Variants in ASF1A observed in about 807,000 individuals in gnomAD.
ASF1A encodes the protein anti-silencing function 1A histone chaperone.
Under a neutral mutation model 22.0 loss-of-function variants are expected in ASF1A, and 5 were observed. The ratio of observed to expected loss-of-function variants is 0.23; its 90% CI spans 0.12 to 0.48. The LOEUF (loss-of-function observed/expected upper bound fraction) is 0.48. ASF1A is among the 20% of genes least tolerant of loss of function. The pLI, the probability that ASF1A is intolerant of heterozygous loss-of-function variation, is 0.99. For synonymous variants in ASF1A, 97 were observed against 86.7 expected (o/e 1.12, Z -0.66); for missense variants, 137 against 240.6 (o/e 0.57, Z 2.85).
chr6:118,905,886 GC>G, intron 3 of ASF1A, 58 bp downstream of exon 3: 1 of 1,319,998 alleles, frequency 7.6e-7, no homozygotes, highest in Non-Finnish European at 1.0e-6. Context: ...TAAAGCAGTT[GC>G]TATTGCAATT....
intron 1 of ASF1A, among the ~76,000 whole-genome samples, chr6:118,899,542 C>T (rs1240269372): frequency 1.3e-5 from 2 of 152,174 alleles, no homozygotes; most frequent in Non-Finnish European, 2.9e-5. Flanking sequence ...ATGCAGCACC[C>T]TGCATCTGGA....
At chr6:118,903,120 CAG>C (rs147487888) in intron 2 of ASF1A, among the ~76,000 whole-genome samples, 7,898 of 152,196 alleles carry the variant, frequency 0.052, 324 homozygotes, top group African/African-American at 0.11. Context: ...GATTTTAAAA[CAG>C]AAACATGCCT....
chr6:118,902,811 C>T (rs1427401942), intron 2 of ASF1A, among the ~76,000 whole-genome samples: 1 of 152,138 alleles, frequency 6.6e-6, no homozygotes, highest in East Asian at 1.9e-4. Flanking sequence ...CAGAAAGAGA[C>T]TAAATTACAG....
rs984824276 is a variant in ASF1A at position 118,894,425 on chromosome 6, T to G, written c.12T>G (p.Val4=). The change falls in exon 1 of 4, where the codon GTT becomes GTG. Residue 4 remains valine, a synonymous_variant. Transcript: ENST00000229595. ...GTTTTTTTCAAAATATGGCAAAGGT[T>G]CAGGTGAACAATGTAGTGGTGCTGG... MAK[V]QVNNVVVLDN... 5.2e-6 allele frequency: 8 copies of G among 1,536,846 alleles called. No homozygotes were observed. Among genetic ancestry groups the G allele is most frequent in the South Asian group, 3.6e-5 (3 of 84,054 alleles).
Position 118,907,951 on chromosome 6 carries a change from C to G in ASF1A, c.*337C>G, listed in dbSNP as rs565738786. 3.3e-5 allele frequency: 6 copies of G among 184,592 alleles called. No individual in the cohort carries two copies. In the South Asian group the frequency reaches 7.9e-4, roughly 24 times the overall value. The allele number at this position is 184,592 out of a possible 1,614,324, so 11.4% of individuals were successfully genotyped here. On this transcript the variant is annotated 3_prime_UTR_variant, in exon 4 of 4. Transcript: ENST00000229595. Reference sequence around the variant, plus strand: ...TGTAAAGATGTCTTGGCCTCCCAGACAGTCTTTGGACCACTATTTTACTGG... The same window carrying G: ...TGTAAAGATGTCTTGGCCTCCCAGAGAGTCTTTGGACCACTATTTTACTGG...
In ASF1A at chr6:118,894,322, G is replaced by A; in HGVS notation, c.-92G>A. The stretch of plus-strand genomic sequence containing the variant: ...TGCACGACGTCTGGCCGGCGCTGGA[G>A]CGGGGGTCTGCGCTCTCCCGAGCGG... On this transcript the variant is annotated 5_prime_UTR_variant, in exon 1 of 4. Transcript: ENST00000229595. 5 of 1,515,352 alleles carry A rather than the reference G, an allele frequency of 3.3e-6. No homozygotes were observed. Among genetic ancestry groups the A allele is most frequent in the Non-Finnish European group, 4.4e-6 (5 of 1,134,224 alleles). The allele number at this position is 1,515,352 out of a possible 1,614,324, so 93.9% of individuals were successfully genotyped here.
chr6:118,898,933 G>A (rs1779616322), intron 1 of ASF1A, among the ~76,000 whole-genome samples: 1 of 152,060 alleles, frequency 6.6e-6, no homozygotes, highest in Non-Finnish European at 1.5e-5. Context: ...TCATTGACAG[G>A]TTCCAAATTT....
chr6:118,902,944 C>T (rs1393771796), intron 2 of ASF1A, among the ~76,000 whole-genome samples: 2 of 152,220 alleles, frequency 1.3e-5, no homozygotes, highest in Non-Finnish European at 2.9e-5. Context: ...GATGTCCAGA[C>T]ATCTGCCTAG....
intron 1 of ASF1A, among the ~76,000 whole-genome samples, chr6:118,896,898 T>C (rs1284830883): frequency 1.3e-5 from 2 of 152,122 alleles, no homozygotes; most frequent in African/African-American, 4.8e-5. Flanking sequence ...AGTACAGTGG[T>C]GCAAACACAG....
chr6:118,906,355 G>A (rs1033069753), intron 3 of ASF1A, among the ~76,000 whole-genome samples: 1 of 152,144 alleles, frequency 6.6e-6, no homozygotes, highest in African/African-American at 2.4e-5. Context: ...TTACAGGTGT[G>A]AGCCACCACG....
chr6:118,901,827 C>CT (rs757499262), intron 2 of ASF1A, among the ~76,000 whole-genome samples: 1 of 152,200 alleles, frequency 6.6e-6, no homozygotes, highest in Non-Finnish European at 1.5e-5. Flanking sequence ...GAAAGAAAAT[C>CT]TAACTCTTCC....
intron 2 of ASF1A, among the ~76,000 whole-genome samples, chr6:118,904,653 T>C (rs1246574186): frequency 2.0e-5 from 3 of 152,248 alleles, no homozygotes; most frequent in African/African-American, 7.2e-5. Flanking sequence ...CACCTTACAA[T>C]AGCTTGATTT....
intron 1 of ASF1A, among the ~76,000 whole-genome samples, chr6:118,897,598 AT>A (rs1779514775): frequency 6.6e-6 from 1 of 152,088 alleles, no homozygotes; most frequent in African/African-American, 2.4e-5. Context: ...AAGTAGTGTA[AT>A]TAGCTAAAAA....
At chr6:118,900,688 G>T in intron 1 of ASF1A, 78 bp from the exon 2 acceptor site, 1 of 1,015,152 alleles carries the variant, frequency 9.9e-7, no homozygotes, top group Non-Finnish European at 1.6e-6. Flanking sequence ...TGGCTAAGTG[G>T]ACATTAAAAG....
intron 2 of ASF1A, 158 bp downstream of exon 2, chr6:118,901,039 G>A: frequency 1.7e-6 from 1 of 575,252 alleles, no homozygotes; most frequent in Non-Finnish European, 3.1e-6. Context: ...GGCAGTCTCT[G>A]TGTCACAGAG....
intron 1 of ASF1A, among the ~76,000 whole-genome samples, chr6:118,899,930 T>G (rs1779689190): frequency 6.6e-6 from 1 of 152,240 alleles, no homozygotes; most frequent in Non-Finnish European, 1.5e-5. Flanking sequence ...CAAAGTTATC[T>G]TCTTCCTCAG....
chr6:118,905,123 A>G (rs1189249243), intron 2 of ASF1A, among the ~76,000 whole-genome samples: 1 of 152,198 alleles, frequency 6.6e-6, no homozygotes, highest in East Asian at 1.9e-4. Flanking sequence ...AGTGTAAGCA[A>G]CCACACCCAA....
chr6:118,900,625 C>A, intron 1 of ASF1A, 141 bp from the exon 2 acceptor site: 1 of 640,200 alleles, frequency 1.6e-6, no homozygotes, highest in Non-Finnish European at 2.8e-6. Context: ...TTATAAGGAG[C>A]ATTTCACTGC....
At chr6:118,898,937 C>CA (rs960337669) in intron 1 of ASF1A, among the ~76,000 whole-genome samples, 3 of 152,090 alleles carry the variant, frequency 2.0e-5, no homozygotes, top group African/African-American at 4.8e-5. Context: ...TGACAGGTTC[C>CA]AAATTTTTAT....
Sources: gnomAD v4.1 joint callset for allele counts (sites outside exome capture counted in the v4.1 genomes callset) on GRCh38, gnomAD v4.1.1 for gene constraint, MANE v1.5 for transcripts, NCBI Gene and HGNC (gene_info 2026-07-23, HGNC 2026-07-21) for gene names.